RNF139: variants seen among roughly 807,000 people sequenced by gnomAD.
RNF139 encodes the protein E3 ubiquitin-protein ligase RNF139.
Under a neutral mutation model 49.5 loss-of-function variants are expected in RNF139, and 15 were observed. The ratio of observed to expected loss-of-function variants is 0.30; its 90% confidence interval spans 0.20 to 0.47. The LOEUF is 0.47. Among genes scored for constraint, RNF139 ranks in the 20% least tolerant of loss-of-function variants. RNF139 has a pLI of 1.00. For synonymous variants in RNF139, 325 were observed against 300.9 expected, an observed-to-expected ratio of 1.08 and a Z score of -0.83; for missense variants, 619 against 806.3, an observed-to-expected ratio of 0.77 and a Z score of 2.81.
rs926480582 is a variant in RNF139 at position 124,480,358 on chromosome 8, C to T, written c.181+5068C>T. ...TAAAAACCTATGTTAATCAAAAGAT[C>T]GCACCACTGCACTCCAGCCTGGGCA... is the stretch of plus-strand genomic sequence containing the variant. On this transcript the variant is annotated intron_variant, in intron 1 of 1. Transcript: ENST00000303545. 2.8e-5 allele frequency among the ~76,000 whole-genome samples: 4 copies of T among 142,484 alleles called. 1 individual carries two copies. The highest frequency in any genetic ancestry group is 3.0e-5 in the Non-Finnish European group (2 of 66,558). 93.5% of individuals were successfully genotyped at this position (142,484 alleles called of 152,430 possible).
At chr8:124,483,826 A>G (rs1295890394) in intron 1 of RNF139, among the ~76,000 whole-genome samples, 1 of 152,160 alleles carries the variant, frequency 6.6e-6, no homozygotes, top group African/African-American at 2.4e-5. Flanking sequence ...CAAGCAGGCT[A>G]TATTTTGTGG....
chr8:124,483,824 C>A (rs144048044), intron 1 of RNF139, among the ~76,000 whole-genome samples: 55 of 152,204 alleles, frequency 3.6e-4, no homozygotes, highest in Admixed American at 9.8e-4. Flanking sequence ...TTCAAGCAGG[C>A]TATATTTTGT....
At chr8:124,480,725 T>C (rs1315679621) in intron 1 of RNF139, among the ~76,000 whole-genome samples, 2 of 152,210 alleles carry the variant, frequency 1.3e-5, no homozygotes, top group African/African-American at 2.4e-5. Context: ...AAGTGGCGGC[T>C]GGGGGTAGGA....
chr8:124,475,250 C>A lies in RNF139; in HGVS notation c.141C>A (p.Ser47Arg). 6.2e-7 allele frequency: 1 copy of A among 1,613,664 alleles called. No homozygotes were observed. Among genetic ancestry groups the A allele is most frequent in the Non-Finnish European group, 8.5e-7 (1 of 1,179,788 alleles). Residue 47 changes from serine (S) to arginine (R), a missense_variant, in exon 1 of 2, where the codon AGC (serine) becomes AGA (arginine). Transcript: ENST00000303545. Reference protein sequence around the residue: ...IFNSYPDSSQSRFCIVLQIFL... With the variant: ...IFNSYPDSSQRRFCIVLQIFL... Reference sequence around the variant, plus strand: ...ACTCCTACCCGGATTCCAGCCAAAGCCGGTTCTGCATCGTGCTCCAGATCT... The same window carrying A: ...ACTCCTACCCGGATTCCAGCCAAAGACGGTTCTGCATCGTGCTCCAGATCT...
chr8:124,485,387 C>T (rs1003643411), intron 1 of RNF139, among the ~76,000 whole-genome samples: 1 of 152,200 alleles, frequency 6.6e-6, no homozygotes, highest in African/African-American at 2.4e-5. Context: ...ATAAATGAAT[C>T]TAAAACTTAA....
rs1816549882 is a variant in RNF139, at chr8:124,487,135, C to A, written c.1486C>A (p.Arg496=). 6.2e-7 allele frequency: 1 copy of A among 1,613,664 alleles called. No homozygotes were observed. Among genetic ancestry groups the A allele is most frequent in the African/African-American group, 1.3e-5 (1 of 74,840 alleles). The change falls in exon 2 of 2, where the codon CGG becomes AGG. Residue 496 remains arginine (R), a synonymous_variant. Coordinates refer to ENST00000303545, the MANE Select transcript of RNF139 (RefSeq NM_007218.4). Reference sequence around the variant, plus strand: ...GATGTTTGAGTCGGGAAGTAAAATTCGGGCTTTTATGATGTGCCTACATGC... The same window carrying A: ...GATGTTTGAGTCGGGAAGTAAAATTAGGGCTTTTATGATGTGCCTACATGC... ...TMMFESGSKI[R]AFMMCLHAYF...
intron 1 of RNF139, among the ~76,000 whole-genome samples, chr8:124,476,241 A>G (rs925310524): frequency 5.9e-5 from 9 of 152,228 alleles, no homozygotes; most frequent in African/African-American, 2.2e-4. Context: ...GAGTGGCAAT[A>G]AAGGCCGAAT....
rs1816283775 is a variant in RNF139, at chr8:124,475,028, AGCCCCC to A, written c.-74_-69del. On this transcript the variant is annotated 5_prime_UTR_variant, in exon 1 of 2. Transcript: ENST00000303545. ...GGGCAGGGGCGGAGTTGCCCGCCTT[AGCCCCC>A]GCCCCCGGCCGCGGCCCCGGGCCCT... 4 of 964,280 alleles carry A rather than the reference AGCCCCC, an allele frequency of 4.1e-6. No homozygotes were observed. Among genetic ancestry groups the A allele is most frequent in the Middle Eastern group, 3.8e-4 (1 of 2,660 alleles). The allele number at this position is 964,280 out of a possible 1,614,324, so 59.7% of individuals were successfully genotyped here. A position where few individuals can be genotyped will look rare whatever the true frequency, so the allele number is the denominator to read the frequency against.
At chr8:124,483,080 AAT>A (rs372952270) in intron 1 of RNF139, among the ~76,000 whole-genome samples, 6 of 896 alleles carry the variant, frequency 6.7e-3, no homozygotes, top group South Asian at 0.038. Context: ...ATATTATTTA[AAT>A]ATATATATAT....
intron 1 of RNF139, among the ~76,000 whole-genome samples, chr8:124,476,681 A>T (rs972032869): frequency 1.3e-5 from 2 of 152,180 alleles, no homozygotes; most frequent in African/African-American, 2.4e-5. Context: ...ATTTGTGTTA[A>T]AAACTGGGCT....
At chr8:124,475,344 C>T in intron 1 of RNF139, 54 bp downstream of exon 1, 6 of 1,554,854 alleles carry the variant, frequency 3.9e-6, no homozygotes, top group Non-Finnish European at 5.3e-6. Context: ...CCGAGACGTT[C>T]CCCGGGGAGC....
intron 1 of RNF139, among the ~76,000 whole-genome samples, chr8:124,481,917 G>A (rs111282908): frequency 6.6e-6 from 1 of 152,116 alleles, no homozygotes; most frequent in East Asian, 1.9e-4. Context: ...TAGGATATTG[G>A]TTTTTAAAAT....
rs1192624664 is a variant in RNF139, at chr8:124,486,131, T to C, written c.482T>C (p.Val161Ala). 6.2e-7 allele frequency: 1 copy of C among 1,614,176 alleles called. No homozygotes were observed. Among genetic ancestry groups the C allele is most frequent in the East Asian group, 2.2e-5 (1 of 44,888 alleles). ...YSQLIILDLL[V>A]PVIGLITELP... ...CAATTAATTATTTTGGATCTCTTGG[T>C]TCCTGTAATAGGCTTAATCACAGAG... Residue 161 changes from valine (V) to alanine (A), a missense_variant, in exon 2 of 2, where the codon GTT becomes GCT. Physicochemically the swap from Val to Ala is moderately conservative, Grantham distance 64 (BLOSUM62 0). Transcript: ENST00000303545.
chr8:124,475,136 G>T lies in RNF139; in HGVS notation c.27G>T (p.Gln9His), dbSNP rs1816289642. The T allele has an allele frequency of 6.2e-7, 1 of 1,601,946 alleles. No individual in the cohort carries two copies. The change falls in exon 1 of 2, where the codon CAG becomes CAT. Residue 9 changes from glutamine to histidine, a missense_variant. Around this residue, in one of 2 missense-constraint regions of RNF139, gnomAD observed 89 missense variants for 77.5 expected, o/e 1.15. Coordinates refer to ENST00000303545, the MANE Select transcript of RNF139 (RefSeq NM_007218.4). MAAVGPPQQQVRMAHQQVW... is the reference protein window; with the variant it reads MAAVGPPQHQVRMAHQQVW... ...TGGCGGCCGTGGGGCCCCCGCAGCAGCAGGTGCGGATGGCCCATCAGCAGG... is the reference window on the plus strand; with the variant it reads ...TGGCGGCCGTGGGGCCCCCGCAGCATCAGGTGCGGATGGCCCATCAGCAGG...
rs142948860 is a variant in RNF139, at chr8:124,485,599, TAGAA to T, written c.182-229_182-226del. Among the ~76,000 whole-genome samples, 596 of 152,330 alleles carry T rather than the reference TAGAA, an allele frequency of 3.9e-3. 3 individuals are homozygous for T. The highest frequency in any genetic ancestry group is 5.8e-3 in the Non-Finnish European group (394 of 68,020). On this transcript the variant is annotated intron_variant, in intron 1 of 1. Transcript: ENST00000303545. ...GTGTTACTTGAAATACTTTGGAAAT[TAGAA>T]AGTAAGGAATGAAATTTTAAAGAAT...
chr8:124,479,826 T>C (rs1816377042), intron 1 of RNF139, among the ~76,000 whole-genome samples: 1 of 152,168 alleles, frequency 6.6e-6, no homozygotes, highest in African/African-American at 2.4e-5. Flanking sequence ...TTGAAGTACA[T>C]TGAGGTAAAT....
chr8:124,484,729 A>G (rs1258331264), intron 1 of RNF139, among the ~76,000 whole-genome samples: 1 of 152,214 alleles, frequency 6.6e-6, no homozygotes, highest in Non-Finnish European at 1.5e-5. Flanking sequence ...CAGAGTACAA[A>G]GAAAGATGGT....
At chr8:124,485,714 A>C (rs1462793369) in intron 1 of RNF139, 117 bp from the exon 2 acceptor site, 3 of 907,532 alleles carry the variant, frequency 3.3e-6, no homozygotes, top group Non-Finnish European at 4.9e-6. Context: ...TTGAGGCTTA[A>C]TGTTCATAAC....
Position 124,486,269 on chromosome 8 carries a change from A to G in RNF139, c.620A>G (p.Tyr207Cys), listed in dbSNP as rs754379363. 3.7e-6 allele frequency: 6 copies of G among 1,614,012 alleles called. No homozygotes were observed. Among genetic ancestry groups the G allele is most frequent in the Non-Finnish European group, 5.1e-6 (6 of 1,179,936 alleles). ...AAGTGGTTTTATTATTCCACACGATATGTTTATCTTTTGGTGAGGCACATG... is the reference window on the plus strand; with the variant it reads ...AAGTGGTTTTATTATTCCACACGATGTGTTTATCTTTTGGTGAGGCACATG... ...KLKWFYYSTR[Y>C]VYLLVRHMYR... The change falls in exon 2 of 2, where the codon TAT becomes TGT. Residue 207 changes from tyrosine to cysteine, a missense_variant. By Grantham distance (194) the Tyr-to-Cys change is radical. Around this residue, in one of 2 missense-constraint regions of RNF139, gnomAD observed 530 missense variants for 728.9 expected, o/e 0.73. Coordinates refer to ENST00000303545, the MANE Select transcript of RNF139 (RefSeq NM_007218.4).
Sources: gnomAD v4.1 joint callset for allele counts (sites outside exome capture counted in the v4.1 genomes callset) on GRCh38, gnomAD v4.1.1 for gene constraint, gnomAD v4.1.1 regional missense constraint, MANE v1.5 for transcripts, NCBI Gene and HGNC (gene_info 2026-07-23, HGNC 2026-07-21) for gene names.